Variants in GALNT13 observed in about 807,000 individuals in gnomAD.
The protein encoded by GALNT13 is polypeptide N-acetylgalactosaminyltransferase 13.
GALNT13 carries 28 observed loss-of-function variants against 64.2 expected under a neutral mutation model. The ratio of observed to expected loss-of-function variants is 0.44; its 90% CI spans 0.32 to 0.60. The LOEUF is 0.60. Ranked by LOEUF, GALNT13 falls within the 20% of genes least tolerant of loss-of-function variation. The probability of loss-of-function intolerance (pLI) is 0.05; values close to 1 mark genes in which losing one functional copy is unlikely to be tolerated. For synonymous variants in GALNT13, 214 were observed against 224.6 expected (o/e 0.95, Z 0.42); for missense variants, 577 against 669.8 (o/e 0.86, Z 1.53).
the GALNT13 span, among the ~76,000 whole-genome samples, chr2:153,578,414 G>A: frequency 6.6e-6 from 1 of 152,126 alleles, no homozygotes; most frequent in Admixed American, 6.6e-5. Context: ...TTAGGCCATG[G>A]AGAAATTAAT....
chr2:153,581,063 T>C, the GALNT13 span, among the ~76,000 whole-genome samples: 1 of 152,200 alleles, frequency 6.6e-6, no homozygotes, highest in African/African-American at 2.4e-5. Context: ...TTGTGTTATA[T>C]GTAATTGTAG....
At chr2:154,169,086 G>A (rs1685203852) in intron 4 of GALNT13, among the ~76,000 whole-genome samples, 1 of 151,938 alleles carries the variant, frequency 6.6e-6, no homozygotes, top group South Asian at 2.1e-4. Flanking sequence ...TGTTCTCTCA[G>A]GAACTGACAC....
At chr2:153,301,426 A>G in the GALNT13 span, among the ~76,000 whole-genome samples, 1 of 151,934 alleles carries the variant, frequency 6.6e-6, no homozygotes, top group East Asian at 1.9e-4. Flanking sequence ...GTAATTGACA[A>G]ATAAAAGGTG....
chr2:154,298,641 A>ATATACATTGTATATATAATT, intron 8 of GALNT13, among the ~76,000 whole-genome samples: 1 of 95,606 alleles, frequency 1.0e-5, no homozygotes, highest in Non-Finnish European at 2.1e-5. Flanking sequence ...TATAATTTAT[A>ATATACATTGTATATATAATT]TATACATTGT....
the GALNT13 span, among the ~76,000 whole-genome samples, chr2:153,084,602 G>A: frequency 6.6e-6 from 1 of 152,116 alleles, no homozygotes; most frequent in Non-Finnish European, 1.5e-5. Flanking sequence ...TCTTGTGATA[G>A]TGAATAAGTC....
chr2:153,709,702 G>T, the GALNT13 span, among the ~76,000 whole-genome samples: 1 of 151,936 alleles, frequency 6.6e-6, no homozygotes, highest in Non-Finnish European at 1.5e-5. Flanking sequence ...TATGTTCATT[G>T]CAGCTCCATT....
At chr2:153,830,650 T>C in the GALNT13 span, among the ~76,000 whole-genome samples, 6 of 152,192 alleles carry the variant, frequency 3.9e-5, no homozygotes, top group Non-Finnish European at 5.9e-5. Context: ...AATCTTTTGC[T>C]CATTTTTCTA....
intron 8 of GALNT13, among the ~76,000 whole-genome samples, chr2:154,297,978 G>C (rs1372541120): frequency 6.6e-6 from 1 of 152,086 alleles, no homozygotes; most frequent in Non-Finnish European, 1.5e-5. Flanking sequence ...GGACATACAA[G>C]AGGAGGTATC....
chr2:153,324,710 G>A, the GALNT13 span, among the ~76,000 whole-genome samples: 4 of 152,154 alleles, frequency 2.6e-5, no homozygotes, highest in South Asian at 2.1e-4. Context: ...GAATTTTATC[G>A]AAGGCCTTTT....
At chr2:154,225,160 T>TGATAGATAGATAGATAGATAGATAGATA (rs56211679) in intron 4 of GALNT13, among the ~76,000 whole-genome samples, 2 of 137,906 alleles carry the variant, frequency 1.5e-5, no homozygotes, top group African/African-American at 5.5e-5. Context: ...GATAGATAGA[T>TGATAGATAGATAGATAGATAGATAGATA]GATAGATAGA....
the GALNT13 span, among the ~76,000 whole-genome samples, chr2:153,141,128 T>C: frequency 8.9e-6 from 1 of 111,752 alleles, no homozygotes; most frequent in East Asian, 2.6e-4. Context: ...ATGTGGTCTT[T>C]TGTGACTGGC....
At chr2:154,094,374 C>A (rs771147906) in intron 3 of GALNT13, among the ~76,000 whole-genome samples, 1 of 151,952 alleles carries the variant, frequency 6.6e-6, no homozygotes, top group Non-Finnish European at 1.5e-5. Flanking sequence ...AACATATATT[C>A]TCGTCTATCC....
the GALNT13 span, among the ~76,000 whole-genome samples, chr2:153,720,626 C>G: frequency 1.2e-3 from 187 of 151,286 alleles, 1 homozygote; most frequent in Middle Eastern, 0.01. Context: ...AGGAGCTGAT[C>G]GAGCTGAAAA....
chr2:153,616,187 G>A, the GALNT13 span, among the ~76,000 whole-genome samples: 1 of 151,280 alleles, frequency 6.6e-6, no homozygotes, highest in African/African-American at 2.4e-5. Context: ...GCCATTTATT[G>A]AAGAGACAGC....
At chr2:153,869,306 C>T (rs1416643995), upstream of GALNT13, among the ~76,000 whole-genome samples, 1 of 152,064 alleles carries the variant, frequency 6.6e-6, no homozygotes, top group Non-Finnish European at 1.5e-5. Flanking sequence ...ATTAGATTGT[C>T]TCAGTAATGC....
chr2:153,134,653 A>G, the GALNT13 span, among the ~76,000 whole-genome samples: 4 of 152,158 alleles, frequency 2.6e-5, no homozygotes, highest in South Asian at 4.1e-4. Context: ...TTAGTGCCCA[A>G]TCTTTCTGCT....
chr2:153,816,599 G>A, the GALNT13 span, among the ~76,000 whole-genome samples: 3 of 150,236 alleles, frequency 2.0e-5, no homozygotes, highest in African/African-American at 7.3e-5. Flanking sequence ...CCAATACAAT[G>A]GATGGATGGA....
At chr2:154,116,966 G>A (rs1373980355) in intron 3 of GALNT13, among the ~76,000 whole-genome samples, 1 of 152,178 alleles carries the variant, frequency 6.6e-6, no homozygotes. Context: ...TAGGCCAGCT[G>A]CAAGCTGAGG....
chr2:153,776,819 G>T, the GALNT13 span, among the ~76,000 whole-genome samples: 1 of 152,062 alleles, frequency 6.6e-6, no homozygotes, highest in Non-Finnish European at 1.5e-5. Context: ...ACATTTCCTT[G>T]ACTCCTTATT....
Sources: gnomAD v4.1 joint callset for allele counts (sites outside exome capture counted in the v4.1 genomes callset) on GRCh38, gnomAD v4.1.1 for gene constraint, MANE v1.5 for transcripts, NCBI Gene and HGNC (gene_info 2026-07-23, HGNC 2026-07-21) for gene names.